Variants in RNF168 observed in about 807,000 individuals in gnomAD.
The protein encoded by RNF168 is ring finger protein 168, also known as E3 ubiquitin-protein ligase RNF168.
RNF168 carries 34 observed loss-of-function variants against 34.9 expected under a neutral mutation model. The observed-to-expected ratio is 0.97, with a 90% confidence interval of 0.74 to 1.30. The LOEUF is 1.30. Ranked by LOEUF, RNF168 falls within the 50% of genes most tolerant of loss-of-function variation. The probability of loss-of-function intolerance (pLI) is 0.00; values close to 1 mark genes in which losing one functional copy is unlikely to be tolerated. For missense variants in RNF168, 725 were observed against 682.5 expected, an observed-to-expected ratio of 1.06 and a Z score of -0.69; for synonymous variants, 264 against 254.7, an observed-to-expected ratio of 1.04 and a Z score of -0.35.
chr3:196,481,051 A>T (rs548083456), intron 4 of RNF168, among the ~76,000 whole-genome samples: 107 of 152,342 alleles, frequency 7.0e-4, no homozygotes, highest in African/African-American at 2.5e-3. Context: ...CAGATTTTAT[A>T]TCTGGCAACC....
chr3:196,480,171 C>T lies in RNF168; in HGVS notation c.680+3599G>A, dbSNP rs79371897. 5.1e-3 allele frequency among the ~76,000 whole-genome samples: 776 copies of T among 151,634 alleles called. 8 individuals are homozygous for T. Among genetic ancestry groups the T allele is most frequent in the African/African-American group, 0.018 (760 of 41,332 alleles). ...AAATTTTTTACTTTTTCTTTTTTAC[C>T]CTGTCTTATGGTGCCGAAGACTGGT... On this transcript the variant is annotated intron_variant, in intron 4 of 5. Transcript: ENST00000318037.
At chr3:196,500,844 T>C (rs975983784) in intron 1 of RNF168, among the ~76,000 whole-genome samples, 53 of 151,892 alleles carry the variant, frequency 3.5e-4, no homozygotes, top group African/African-American at 1.0e-3. Context: ...CCCGAGTAGC[T>C]GGGACTACAG....
In RNF168 at chr3:196,470,275, T is replaced by G. The variant is rs1731966886; in HGVS notation, c.*1544A>C. 1 of 149,434 alleles carries G rather than the reference T, an allele frequency of 6.7e-6. No individual in the cohort carries two copies. Among genetic ancestry groups the G allele is most frequent in the Non-Finnish European group, 1.5e-5 (1 of 67,796 alleles). The allele number at this position is 149,434 out of a possible 1,614,324, so 9.3% of individuals were successfully genotyped here. ...ACCAGTTTCTGACCACCCAATCAGT[T>G]TCAATGATCCAGACTGTCAGTCACC... On this transcript the variant is annotated 3_prime_UTR_variant, in exon 6 of 6. Coordinates refer to ENST00000318037, the MANE Select transcript of RNF168 (RefSeq NM_152617.4).
In RNF168 at chr3:196,471,551, T is replaced by A. The variant is rs933533428; in HGVS notation, c.*268A>T. The A allele has an allele frequency of 1.3e-5, 5 of 381,374 alleles. No homozygotes were observed. Among genetic ancestry groups the A allele is most frequent in the Non-Finnish European group, 2.4e-5 (5 of 207,008 alleles). The allele number at this position is 381,374 out of a possible 1,614,324, so 23.6% of individuals were successfully genotyped here. A position where few individuals can be genotyped will look rare whatever the true frequency, so the allele number is the denominator to read the frequency against. Reference sequence around the variant, plus strand: ...AATGGCACTTGAAGATTTCCTGGAGTTGGCCAAAGCTTAAGATATCTCTAA... The same window carrying A: ...AATGGCACTTGAAGATTTCCTGGAGATGGCCAAAGCTTAAGATATCTCTAA... On this transcript the variant is annotated 3_prime_UTR_variant, in exon 6 of 6. Transcript: ENST00000318037.
intron 5 of RNF168, 67 bp downstream of exon 5, chr3:196,475,164 A>ATGGATAGCACTAATC (rs1732114185): frequency 1.1e-6 from 1 of 899,414 alleles, no homozygotes; most frequent in African/African-American, 1.6e-5. Context: ...GTAGAAAACT[A>ATGGATAGCACTAATC]TGGATAGCAC....
chr3:196,478,760 G>A (rs971622047), intron 4 of RNF168, among the ~76,000 whole-genome samples: 3 of 151,158 alleles, frequency 2.0e-5, no homozygotes, highest in East Asian at 1.9e-4. Flanking sequence ...TCTGCCTCCC[G>A]GGTTTAAGCA....
At position 196,472,256 on chromosome 3, in the gene RNF168, G is replaced by T; in HGVS notation, c.1279C>A (p.Gln427Lys). 1 of 1,613,972 alleles carries T rather than the reference G, an allele frequency of 6.2e-7. No individual in the cohort carries two copies. The highest frequency in any genetic ancestry group is 8.5e-7 in the Non-Finnish European group (1 of 1,179,922). The change falls in exon 6 of 6, where the codon CAA becomes AAA. Residue 427 changes from glutamine (Q) to lysine (K), a missense_variant. By Grantham distance (53) the Gln-to-Lys change is moderately conservative. Transcript: ENST00000318037. The part of the protein sequence containing the change: ...DQEETEINFT[Q>K]KLIDLEHLLF... ...AGATGCTCCAAATCTATCAGTTTTT[G>T]GGTAAAGTTTATTTCTGTTTCCTCT... is the stretch of plus-strand genomic sequence containing the variant.
intron 1 of RNF168, among the ~76,000 whole-genome samples, chr3:196,494,866 TA>T (rs565266008): frequency 4.0e-4 from 61 of 151,942 alleles, no homozygotes; most frequent in African/African-American, 1.4e-3. Context: ...CTACAAAAAA[TA>T]AAAAAATTAG....
chr3:196,471,756 A>C lies in RNF168; in HGVS notation c.*63T>G. On this transcript the variant is annotated 3_prime_UTR_variant, in exon 6 of 6. Transcript: ENST00000318037. ...TGAATGACACATGGATGAAGATTCC[A>C]TGATAGGAAAGAGCTTCACATTCCA... 1 of 1,064,166 alleles carries C rather than the reference A, an allele frequency of 9.4e-7. No homozygotes were observed. The highest frequency in any genetic ancestry group is 1.5e-6 in the Non-Finnish European group (1 of 680,448). The allele number at this position is 1,064,166 out of a possible 1,614,324, so 65.9% of individuals were successfully genotyped here. A position where few individuals can be genotyped will look rare whatever the true frequency, so the allele number is the denominator to read the frequency against.
chr3:196,474,954 C>A (rs546218580), intron 5 of RNF168: 1 of 422,504 alleles, frequency 2.4e-6, no homozygotes, highest in African/African-American at 2.0e-5. Flanking sequence ...ACTACACCAG[C>A]GTAGCTGAGA....
chr3:196,491,221 T>C (rs1251091424), intron 1 of RNF168, among the ~76,000 whole-genome samples: 1 of 151,676 alleles, frequency 6.6e-6, no homozygotes, highest in Non-Finnish European at 1.5e-5. Flanking sequence ...GCTGAGGCAG[T>C]AGAATAGCTT....
intron 1 of RNF168, among the ~76,000 whole-genome samples, chr3:196,495,331 A>G (rs1732714463): frequency 6.6e-6 from 1 of 152,188 alleles, no homozygotes; most frequent in South Asian, 2.1e-4. Flanking sequence ...TTGATATATT[A>G]CCCATCATAT....
intron 1 of RNF168, among the ~76,000 whole-genome samples, chr3:196,501,407 A>G (rs1732881325): frequency 2.6e-5 from 4 of 152,250 alleles, no homozygotes; most frequent in South Asian, 4.1e-4. Context: ...TGAAGTACTG[A>G]TCCATGCCAC....
In RNF168 at chr3:196,471,691, G is replaced by T; in HGVS notation, c.*128C>A. ...TCTATGCAGTCCTTACAATCACACA[G>T]ACCTTCATTAAGGACAATGAGTGTG... is the stretch of plus-strand genomic sequence containing the variant. On this transcript the variant is annotated 3_prime_UTR_variant, in exon 6 of 6. Transcript: ENST00000318037. The T allele has an allele frequency of 1.4e-6, 1 of 737,642 alleles. No individual in the cohort carries two copies. Among genetic ancestry groups the T allele is most frequent in the South Asian group, 1.5e-5 (1 of 67,566 alleles). The allele number at this position is 737,642 out of a possible 1,614,324, so 45.7% of individuals were successfully genotyped here.
In RNF168 at chr3:196,470,566, C is replaced by A. The variant is rs1731973846; in HGVS notation, c.*1253G>T. On this transcript the variant is annotated 3_prime_UTR_variant, in exon 6 of 6. Coordinates refer to ENST00000318037, the MANE Select transcript of RNF168 (RefSeq NM_152617.4). ...CATCCTCATCTGGACCCGTTTCTGA[C>A]CAACCACCCAATCAGTTTCAATGAT... 2 of 150,696 alleles carry A rather than the reference C, an allele frequency of 1.3e-5. 1 individual carries two copies. Among genetic ancestry groups the A allele is most frequent in the Non-Finnish European group, 2.9e-5 (2 of 68,054 alleles). 9.3% of individuals were successfully genotyped at this position (150,696 alleles called of 1,614,324 possible).
chr3:196,501,414 C>T (rs770066910), intron 1 of RNF168, among the ~76,000 whole-genome samples: 2 of 152,166 alleles, frequency 1.3e-5, no homozygotes, highest in African/African-American at 2.4e-5. Context: ...CTGATCCATG[C>T]CACACTGTAC....
Position 196,471,833 on chromosome 3 carries a change from T to C in RNF168, c.1702A>G (p.Arg568Gly), listed in dbSNP as rs1384674122. Residue 568 changes from arginine (R) to glycine (G), a missense_variant, in exon 6 of 6, where the codon AGA becomes GGA. By Grantham distance (125) the Arg-to-Gly change is moderately radical. Coordinates refer to ENST00000318037, the MANE Select transcript of RNF168 (RefSeq NM_152617.4). ...TTTACCAGGCCTTACTTTGTGCATC[T>C]CTGAAACATCTGAAAAACACTTTTC... ...SQKSVFQMFQRCTK is the reference protein window; with the variant it reads ...SQKSVFQMFQGCTK The C allele has an allele frequency of 6.2e-7, 1 of 1,612,052 alleles. No homozygotes were observed.
intron 1 of RNF168, among the ~76,000 whole-genome samples, chr3:196,501,742 A>G (rs1045039064): frequency 6.6e-6 from 1 of 152,152 alleles, no homozygotes; most frequent in African/African-American, 2.4e-5. Context: ...AAATAACGCA[A>G]TATACCAAAA....
At chr3:196,474,124 AT>A (rs758504791) in intron 5 of RNF168, among the ~76,000 whole-genome samples, 6,123 of 124,216 alleles carry the variant, frequency 0.049, 86 homozygotes, top group East Asian at 0.071. Flanking sequence ...TCATCTTGCA[AT>A]TTTTTTTTTT....
Sources: allele counts gnomAD v4.1 joint callset (sites outside exome capture counted in the v4.1 genomes callset), GRCh38; gene constraint gnomAD v4.1.1; transcripts MANE v1.5; gene names NCBI Gene and HGNC (gene_info 2026-07-23, HGNC 2026-07-21).